PARVB: variants seen among roughly 807,000 people sequenced by gnomAD.
PARVB encodes beta-parvin.
Under a neutral mutation model 47.0 loss-of-function variants are expected in PARVB, and 46 were observed. That is an observed-to-expected ratio of 0.98 (90% CI 0.77 to 1.25). The LOEUF (loss-of-function observed/expected upper bound fraction) is 1.25. PARVB is among the 50% of genes most tolerant of loss of function. The pLI is 0.00. For missense variants in PARVB, 473 were observed against 471.6 expected (o/e 1.00, Z -0.03); for synonymous variants, 196 against 196.3 (o/e 1.00, Z 0.01).
At chr22:44,020,900 C>A (rs1446505297), upstream of PARVB, among the ~76,000 whole-genome samples, 5 of 152,022 alleles carry the variant, frequency 3.3e-5, no homozygotes, top group African/African-American at 1.2e-4. Flanking sequence ...CCTGCCTCAG[C>A]CTCCCAAGTA....
intron 12 of PARVB, among the ~76,000 whole-genome samples, chr22:44,164,832 T>C (rs887567917): frequency 6.6e-6 from 1 of 152,090 alleles, no homozygotes. Context: ...GTCTCCAAAA[T>C]AGCTAGAAAA....
At chr22:44,066,780 TCTC>T (rs199990350) in intron 1 of PARVB, among the ~76,000 whole-genome samples, 8,785 of 47,892 alleles carry the variant, frequency 0.18, 444 homozygotes, top group East Asian at 0.3. Context: ...CTTAATTATT[TCTC>T]CTCCTCCTCC....
chr22:44,034,445 G>A (rs2050883566), intron 1 of PARVB, among the ~76,000 whole-genome samples: 1 of 151,154 alleles, frequency 6.6e-6, no homozygotes, highest in South Asian at 2.1e-4. Context: ...TGCAGTGGCT[G>A]TTCACAGGCC....
At chr22:44,106,028 C>T (rs2052558924) in intron 3 of PARVB, 1 of 151,970 alleles carries the variant, frequency 6.6e-6, no homozygotes, top group Admixed American at 6.6e-5. Context: ...GGGGGCTTCA[C>T]CATGTTGGCC....
chr22:44,159,602 C>T (rs1208974219), intron 11 of PARVB, among the ~76,000 whole-genome samples: 3 of 152,242 alleles, frequency 2.0e-5, no homozygotes, highest in Admixed American at 6.5e-5. Context: ...GGAACACTCT[C>T]CTTCGGAGGA....
intron 1 of PARVB, among the ~76,000 whole-genome samples, chr22:44,025,134 T>TTC (rs2050708064): frequency 1.3e-5 from 2 of 151,768 alleles, no homozygotes; most frequent in Non-Finnish European, 2.9e-5. Flanking sequence ...GGTGGGGAGG[T>TTC]TCTGCCCCGG....
intron 1 of PARVB, among the ~76,000 whole-genome samples, chr22:44,047,512 T>C (rs193136375): frequency 6.6e-6 from 1 of 152,048 alleles, no homozygotes; most frequent in East Asian, 1.9e-4. Context: ...AATACCAAAA[T>C]TAGCCGGGCA....
In PARVB at chr22:44,100,044, C is replaced by T. The variant is rs1476664893; in HGVS notation, c.203-9C>T. ...ATCGCTGACCGTGACTTCCTTTTGT[C>T]CCTGGCAGAGGAGAACGAGGAGCGC... On this transcript the variant is annotated splice_polypyrimidine_tract_variant and intron_variant, in intron 2 of 12. Transcript: ENST00000338758. The T allele has an allele frequency of 1.2e-6, 2 of 1,613,150 alleles. No homozygotes were observed. Among genetic ancestry groups the T allele is most frequent in the Middle Eastern group, 1.6e-4 (1 of 6,084 alleles).
intron 1 of PARVB, among the ~76,000 whole-genome samples, chr22:44,045,527 T>C (rs536500071): frequency 2.9e-4 from 44 of 152,300 alleles, no homozygotes; most frequent in African/African-American, 9.6e-4. Context: ...AGTCATTCAT[T>C]CAAGGTGATT....
At chr22:44,000,033 C>T (rs1032671867) in intron 2 of PARVB, among the ~76,000 whole-genome samples, 2 of 151,944 alleles carry the variant, frequency 1.3e-5, no homozygotes, top group South Asian at 2.1e-4. Flanking sequence ...AGTGGACTAG[C>T]AGTGAGCCCA....
At chr22:44,015,751 G>A (rs976909290) in intron 2 of PARVB, among the ~76,000 whole-genome samples, 3 of 152,166 alleles carry the variant, frequency 2.0e-5, no homozygotes, top group East Asian at 1.9e-4. Context: ...CCCAGGAGAC[G>A]GAGGTTTCAG....
At chr22:44,120,524 G>A (rs1474691165) in intron 4 of PARVB, among the ~76,000 whole-genome samples, 1 of 152,108 alleles carries the variant, frequency 6.6e-6, no homozygotes, top group African/African-American at 2.4e-5. Flanking sequence ...CTGCCTGCTT[G>A]TCCTCCTGGG....
rs1555898498 is a variant in PARVB at position 44,066,804 on chromosome 22, C to CCTCCTCCTCCTCCTT, written c.113-27110_113-27109insTCTCCTCCTCCTCCT. On this transcript the variant is annotated intron_variant, in intron 1 of 12. Transcript: ENST00000338758. ...TTCTCCTCCTCCTCCTCCTCCTCCTCCTCCTCCTCCTCCTCCTCTTCCTCC... is the reference window on the plus strand; with the variant it reads ...TTCTCCTCCTCCTCCTCCTCCTCCTCCTCCTCCTCCTCCTTCTCCTCCTCCTCCTCCTCTTCCTCC... 2.4e-3 allele frequency among the ~76,000 whole-genome samples: 315 copies of CCTCCTCCTCCTCCTT among 131,104 alleles called. 24 individuals are homozygous for CCTCCTCCTCCTCCTT. The highest frequency in any genetic ancestry group is 0.02 in the East Asian group (73 of 3,712). The allele number at this position is 131,104 out of a possible 152,430, so 86.0% of individuals were successfully genotyped here. A position where few individuals can be genotyped will look rare whatever the true frequency, so the allele number is the denominator to read the frequency against.
chr22:44,130,789 G>GT (rs1248055121), intron 4 of PARVB, among the ~76,000 whole-genome samples: 2 of 152,046 alleles, frequency 1.3e-5, no homozygotes, highest in Non-Finnish European at 2.9e-5. Context: ...ATCTTATTAT[G>GT]TTTTTTCCAT....
chr22:44,106,005 T>C (rs2052558375), intron 3 of PARVB: 1 of 152,222 alleles, frequency 6.6e-6, no homozygotes, highest in South Asian at 2.1e-4. Context: ...ATTTTTTGTA[T>C]TTTTAGTAGA....
chr22:44,078,679 C>T (rs1218928481), intron 1 of PARVB, among the ~76,000 whole-genome samples: 1 of 152,154 alleles, frequency 6.6e-6, no homozygotes, highest in Non-Finnish European at 1.5e-5. Context: ...GACCATGATC[C>T]AGCCTTCCAT....
At chr22:44,074,287 G>A (rs532929839) in intron 1 of PARVB, among the ~76,000 whole-genome samples, 18 of 152,278 alleles carry the variant, frequency 1.2e-4, no homozygotes, top group African/African-American at 4.3e-4. Flanking sequence ...CCTGCACGAC[G>A]GCCTGGGTGA....
chr22:44,090,393 G>A (rs754409706), intron 1 of PARVB, among the ~76,000 whole-genome samples: 30 of 152,222 alleles, frequency 2.0e-4, no homozygotes, highest in Non-Finnish European at 3.7e-4. Context: ...GTCCCTGGGC[G>A]GTGTTCGTGA....
chr22:44,001,528 G>A (rs993106784), intron 2 of PARVB, among the ~76,000 whole-genome samples: 1 of 152,166 alleles, frequency 6.6e-6, no homozygotes, highest in Non-Finnish European at 1.5e-5. Context: ...TGAAGATCTT[G>A]TGCAGTTTGT....
Sources: allele counts gnomAD v4.1 joint callset (sites outside exome capture counted in the v4.1 genomes callset), GRCh38; gene constraint gnomAD v4.1.1; transcripts MANE v1.5; gene names NCBI Gene and HGNC (gene_info 2026-07-23, HGNC 2026-07-21).